Variants in CBLB observed in about 807,000 individuals in gnomAD.
CBLB encodes the protein E3 ubiquitin-protein ligase CBL-B.
In CBLB, 31 loss-of-function variants were observed where a neutral mutation model predicts 104.9. That is an observed-to-expected ratio of 0.30 (90% CI 0.22 to 0.40). CBLB has a LOEUF of 0.40. CBLB is among the 10% of genes least tolerant of loss of function. The pLI is 1.00. For synonymous variants in CBLB, 440 were observed against 422.6 expected (o/e 1.04, Z -0.51); for missense variants, 1,062 against 1,214.6 (o/e 0.87, Z 1.87).
intron 3 of CBLB, among the ~76,000 whole-genome samples, chr3:105,810,393 A>G (rs1296586325): frequency 6.6e-6 from 1 of 152,184 alleles, no homozygotes; most frequent in Non-Finnish European, 1.5e-5. Context: ...GATTCACTTA[A>G]GCAGTTTAAT....
chr3:105,691,489 T>C (rs1390425664), intron 13 of CBLB, among the ~76,000 whole-genome samples: 1 of 152,226 alleles, frequency 6.6e-6, no homozygotes, highest in Admixed American at 6.5e-5. Flanking sequence ...TAAATACAAA[T>C]GAAGCACACT....
intron 13 of CBLB, among the ~76,000 whole-genome samples, chr3:105,689,551 T>A (rs1438559337): frequency 6.6e-6 from 1 of 151,114 alleles, no homozygotes; most frequent in African/African-American, 2.4e-5. Flanking sequence ...CAGAACATTA[T>A]CTTACCTGGA....
At chr3:105,758,889 G>A (rs982999119) in intron 4 of CBLB, among the ~76,000 whole-genome samples, 1 of 152,258 alleles carries the variant, frequency 6.6e-6, no homozygotes, top group Non-Finnish European at 1.5e-5. Context: ...GAGCCTGTAG[G>A]TGTGGGCTCC....
chr3:105,700,801 A>G (rs550875893), intron 12 of CBLB, among the ~76,000 whole-genome samples: 67 of 152,294 alleles, frequency 4.4e-4, no homozygotes, highest in Non-Finnish European at 7.1e-4. Flanking sequence ...TGGCTACCCC[A>G]TATCACTGAG....
At chr3:105,802,723 T>C (rs1486052677) in intron 3 of CBLB, among the ~76,000 whole-genome samples, 1 of 132,322 alleles carries the variant, frequency 7.6e-6, no homozygotes, top group African/African-American at 2.8e-5. Context: ...GATACAACTA[T>C]TGAAGCAGCT....
chr3:105,748,929 AT>A (rs1333584315), intron 5 of CBLB, among the ~76,000 whole-genome samples: 4 of 152,092 alleles, frequency 2.6e-5, no homozygotes, highest in Admixed American at 1.3e-4. Context: ...ACTCCCAATA[AT>A]TTAGTCAGAA....
In CBLB at chr3:105,818,920, G is replaced by A. The variant is rs972939232; in HGVS notation, c.419+34494C>T. On this transcript the variant is annotated intron_variant, in intron 3 of 18. Coordinates refer to ENST00000394030, the MANE Select transcript of CBLB (RefSeq NM_170662.5). Reference sequence around the variant, plus strand: ...GTAAAAAAAAATAAAATGGCTACATGAGGAAGCAAAACTATAGTGAAAAAG... The same window carrying A: ...GTAAAAAAAAATAAAATGGCTACATAAGGAAGCAAAACTATAGTGAAAAAG... 2.6e-5 allele frequency among the ~76,000 whole-genome samples: 4 copies of A among 152,124 alleles called. No individual in the cohort carries two copies. The East Asian group carries it at 5.8e-4, about 22-fold the overall frequency.
At chr3:105,864,910 T>C (rs2092335019) in intron 2 of CBLB, among the ~76,000 whole-genome samples, 1 of 150,698 alleles carries the variant, frequency 6.6e-6, no homozygotes, top group Non-Finnish European at 1.5e-5. Context: ...GAAGCTTGTG[T>C]TCATATTTAT....
At chr3:105,741,464 C>T (rs973574004) in intron 6 of CBLB, among the ~76,000 whole-genome samples, 7 of 152,254 alleles carry the variant, frequency 4.6e-5, no homozygotes, top group East Asian at 1.9e-4. Context: ...GGCGCAATCA[C>T]GGCTCACTGC....
At chr3:105,740,734 G>A in intron 6 of CBLB, 103 bp from the exon 7 acceptor site, 1 of 950,898 alleles carries the variant, frequency 1.1e-6, no homozygotes, top group Non-Finnish European at 1.6e-6. Flanking sequence ...CAATCATTTA[G>A]AATTCCTGAA....
chr3:105,787,928 T>C (rs1289840368), intron 3 of CBLB, among the ~76,000 whole-genome samples: 2 of 152,210 alleles, frequency 1.3e-5, no homozygotes, highest in African/African-American at 4.8e-5. Context: ...AATCTGTGTT[T>C]CATGTTAATG....
At chr3:105,735,190 T>A (rs1227550571) in intron 8 of CBLB, among the ~76,000 whole-genome samples, 1 of 152,120 alleles carries the variant, frequency 6.6e-6, no homozygotes, top group Non-Finnish European at 1.5e-5. Flanking sequence ...TACATAAACA[T>A]ACATGGATAC....
At chr3:105,821,588 T>C (rs1424860250) in intron 3 of CBLB, among the ~76,000 whole-genome samples, 1 of 152,162 alleles carries the variant, frequency 6.6e-6, no homozygotes, top group Non-Finnish European at 1.5e-5. Flanking sequence ...GGTCAGGGCT[T>C]TTCAGAAGTG....
chr3:105,739,671 T>C (rs2075320830), intron 7 of CBLB, among the ~76,000 whole-genome samples: 1 of 152,008 alleles, frequency 6.6e-6, no homozygotes, highest in African/African-American at 2.4e-5. Context: ...AAACTAAACT[T>C]AGCTATTAAC....
intron 10 of CBLB, among the ~76,000 whole-genome samples, chr3:105,716,819 G>C (rs2071964135): frequency 6.6e-6 from 1 of 152,174 alleles, no homozygotes; most frequent in Non-Finnish European, 1.5e-5. Context: ...ACTGAAGTGT[G>C]ACTTCTAGGA....
chr3:105,680,689 A>G (rs2066209646), intron 16 of CBLB, among the ~76,000 whole-genome samples: 3 of 152,226 alleles, frequency 2.0e-5, no homozygotes. Flanking sequence ...GGAAAGGTTC[A>G]TTTCGTATTT....
intron 17 of CBLB, chr3:105,673,868 G>C (rs985991457): frequency 1.3e-5 from 2 of 152,048 alleles, no homozygotes; most frequent in Admixed American, 6.6e-5. Flanking sequence ...GACAACTCTC[G>C]TCTACATCCA....
chr3:105,716,395 G>C (rs2071879369), intron 10 of CBLB, among the ~76,000 whole-genome samples: 1 of 152,068 alleles, frequency 6.6e-6, no homozygotes, highest in South Asian at 2.1e-4. Flanking sequence ...AGGTGCCTGG[G>C]AACACAAATA....
At chr3:105,783,148 G>C (rs1338090830) in intron 3 of CBLB, among the ~76,000 whole-genome samples, 1 of 152,098 alleles carries the variant, frequency 6.6e-6, no homozygotes, top group Admixed American at 6.5e-5. Context: ...TGGTCCTTAA[G>C]TTTGTTAGTA....
Sources: gnomAD v4.1 joint callset for allele counts (sites outside exome capture counted in the v4.1 genomes callset) on GRCh38, gnomAD v4.1.1 for gene constraint, MANE v1.5 for transcripts, NCBI Gene and HGNC (gene_info 2026-07-23, HGNC 2026-07-21) for gene names.